The following ADCK1 variants were observed in gnomAD, a reference collection of about 807,000 sequenced individuals.
ADCK1 encodes aarF domain-containing protein kinase 1.
A neutral mutation model predicts 52.3 loss-of-function variants in ADCK1; 41 were observed. The ratio of observed to expected loss-of-function variants is 0.78; its 90% CI spans 0.61 to 1.02. The LOEUF (loss-of-function observed/expected upper bound fraction) is 1.02, where lower values mean the gene tolerates loss of function less well. Among genes scored for constraint, ADCK1 ranks in the 50% least tolerant of loss-of-function variants. ADCK1 has a pLI of 0.00. For synonymous variants in ADCK1, 250 were observed against 274.6 expected, an observed-to-expected ratio of 0.91 and a Z score of 0.89; for missense variants, 658 against 679.5, an observed-to-expected ratio of 0.97 and a Z score of 0.35.
At chr14:77,907,193 T>G (rs995478946) in intron 6 of ADCK1, among the ~76,000 whole-genome samples, 3 of 152,164 alleles carry the variant, frequency 2.0e-5, no homozygotes, top group Non-Finnish European at 4.4e-5. Context: ...GGATTATAGG[T>G]GTGAGCCACT....
intron 3 of ADCK1, among the ~76,000 whole-genome samples, chr14:77,832,269 C>T (rs2081871368): frequency 6.6e-6 from 1 of 152,216 alleles, no homozygotes; most frequent in African/African-American, 2.4e-5. Flanking sequence ...AGGCGTGAGC[C>T]ACCGCACCTG....
chr14:77,832,325 C>G (rs1424943635), intron 3 of ADCK1, among the ~76,000 whole-genome samples: 1 of 152,180 alleles, frequency 6.6e-6, no homozygotes, highest in Admixed American at 6.5e-5. Context: ...TGTAGCACAT[C>G]ATGAACTTGA....
intron 3 of ADCK1, among the ~76,000 whole-genome samples, chr14:77,855,638 G>A (rs2082402193): frequency 6.6e-6 from 1 of 152,124 alleles, no homozygotes; most frequent in South Asian, 2.1e-4. Context: ...AAGAGACCTT[G>A]CGGACAGTGT....
chr14:77,929,091 C>T (rs2084263305), intron 9 of ADCK1, among the ~76,000 whole-genome samples: 1 of 152,168 alleles, frequency 6.6e-6, no homozygotes, highest in South Asian at 2.1e-4. Context: ...TTAGACAACC[C>T]AGATAGATCA....
At chr14:77,858,463 A>G (rs1339914126) in intron 3 of ADCK1, among the ~76,000 whole-genome samples, 1 of 151,850 alleles carries the variant, frequency 6.6e-6, no homozygotes, top group Non-Finnish European at 1.5e-5. Flanking sequence ...GCTGGTCTTG[A>G]ACTCCTGACC....
At chr14:77,853,005 G>A (rs1458687034) in intron 3 of ADCK1, among the ~76,000 whole-genome samples, 1 of 139,606 alleles carries the variant, frequency 7.2e-6, no homozygotes, top group African/African-American at 2.7e-5. Flanking sequence ...GTCCCCCTTG[G>A]CCTCCCAAAG....
chr14:77,902,454 T>C (rs1411623357), intron 6 of ADCK1: 2 of 152,162 alleles, frequency 1.3e-5, no homozygotes, highest in Non-Finnish European at 2.9e-5. Flanking sequence ...AAACCACCAG[T>C]TCAGTGAAAA....
intron 3 of ADCK1, among the ~76,000 whole-genome samples, chr14:77,839,043 A>G (rs991244251): frequency 7.9e-5 from 12 of 152,206 alleles, no homozygotes; most frequent in African/African-American, 2.7e-4. Context: ...GAGTGGTCTC[A>G]GTGTACACTT....
At chr14:77,834,434 C>T (rs910811557) in intron 3 of ADCK1, among the ~76,000 whole-genome samples, 3 of 152,204 alleles carry the variant, frequency 2.0e-5, no homozygotes, top group African/African-American at 7.2e-5. Flanking sequence ...TTGTCTCGAT[C>T]TTTACCCTGC....
At chr14:77,852,881 G>GTATA (rs1250184497) in intron 3 of ADCK1, among the ~76,000 whole-genome samples, 7 of 29,594 alleles carry the variant, frequency 2.4e-4, no homozygotes, top group Admixed American at 4.9e-4. Context: ...TCTTTTATGT[G>GTATA]TGTATATATA....
At chr14:77,895,247 C>A (rs1480053625) in intron 5 of ADCK1, among the ~76,000 whole-genome samples, 1 of 152,212 alleles carries the variant, frequency 6.6e-6, no homozygotes, top group Non-Finnish European at 1.5e-5. Context: ...GTAGAGAATT[C>A]TCAGGCATTC....
intron 3 of ADCK1, 141 bp from the exon 4 acceptor site, chr14:77,858,935 T>G (rs1321504254): frequency 1.4e-6 from 1 of 703,350 alleles, no homozygotes; most frequent in Non-Finnish European, 2.3e-6. Flanking sequence ...AAGGTGTGTG[T>G]GTGTGCGTGT....
intron 3 of ADCK1, among the ~76,000 whole-genome samples, chr14:77,850,587 T>A (rs73309307): frequency 0.015 from 2,237 of 152,098 alleles, 55 homozygotes; most frequent in African/African-American, 0.051. Flanking sequence ...CTGAAATCAA[T>A]TTTGTCTGCT....
intron 5 of ADCK1, among the ~76,000 whole-genome samples, chr14:77,891,712 C>G (rs2083287608): frequency 6.6e-6 from 1 of 152,094 alleles, no homozygotes; most frequent in South Asian, 2.1e-4. Context: ...TTCAGGAGAA[C>G]AGCTGGAATG....
intron 7 of ADCK1, chr14:77,924,166 G>A: frequency 3.2e-6 from 1 of 310,996 alleles, no homozygotes. Flanking sequence ...TGTGGGAGGT[G>A]GAGAGTGCAG....
At chr14:77,912,477 T>TAA in intron 7 of ADCK1, among the ~76,000 whole-genome samples, 1 of 134,632 alleles carries the variant, frequency 7.4e-6, no homozygotes, top group African/African-American at 2.8e-5. Flanking sequence ...TGTGTGTGTG[T>TAA]AATGAAAGAG....
At chr14:77,875,262 C>CA (rs1032956930) in intron 4 of ADCK1, among the ~76,000 whole-genome samples, 55 of 152,138 alleles carry the variant, frequency 3.6e-4, no homozygotes, top group African/African-American at 1.3e-3. Flanking sequence ...GGAGGTGCCA[C>CA]AGTCACCTCC....
At position 77,818,992 on chromosome 14, in the gene ADCK1, C is replaced by G. The variant is rs774873151; in HGVS notation, c.14C>G (p.Ala5Gly). MARK[A>G]LKLASWTSMA... ...GGATCTGGCGACATGGCCAGAAAGG[C>G]TCTCAAGCTTGCTTCGTGGACCAGC... Residue 5 changes from alanine to glycine, a missense_variant, in exon 2 of 11, where the codon GCT (alanine) becomes GGT (glycine). Coordinates refer to ENST00000238561, the MANE Select transcript of ADCK1 (RefSeq NM_020421.4). 7 of 1,614,022 alleles carry G rather than the reference C, an allele frequency of 4.3e-6. No individual in the cohort carries two copies. In the African/African-American group the frequency reaches 8.0e-5, roughly 18 times the overall value.
intron 8 of ADCK1, among the ~76,000 whole-genome samples, chr14:77,925,276 T>C (rs928191866): frequency 2.0e-5 from 3 of 152,220 alleles, no homozygotes; most frequent in Non-Finnish European, 2.9e-5. Context: ...AGCAGGAGCT[T>C]AATTGCTTGC....
Sources: allele counts gnomAD v4.1 joint callset (sites outside exome capture counted in the v4.1 genomes callset), GRCh38; gene constraint gnomAD v4.1.1; transcripts MANE v1.5; gene names NCBI Gene and HGNC (gene_info 2026-07-23, HGNC 2026-07-21).